The following ASB18 variants were observed in gnomAD, a reference collection of about 807,000 sequenced individuals.
The protein encoded by ASB18 is ankyrin repeat and SOCS box protein 18.
In ASB18, 33 loss-of-function variants were observed where a neutral mutation model predicts 33.4. The ratio of observed to expected loss-of-function variants is 0.99; its 90% CI spans 0.75 to 1.32. ASB18 has a LOEUF of 1.32. Among genes scored for constraint, ASB18 ranks in the 40% most tolerant of loss-of-function variants. The pLI is 0.00. For missense variants in ASB18, 694 were observed against 655.5 expected (o/e 1.06, Z -0.64); for synonymous variants, 295 against 307.6 (o/e 0.96, Z 0.43).
chr2:236,206,140 G>T (rs2060431485), intron 4 of ASB18, among the ~76,000 whole-genome samples: 2 of 150,136 alleles, frequency 1.3e-5, no homozygotes, highest in African/African-American at 2.4e-5. Flanking sequence ...CTTATCTGTG[G>T]GTTGGCTCTC....
Position 236,222,047 on chromosome 2 carries a change from T to C in ASB18, c.597-7181A>G, listed in dbSNP as rs1967369. Among the ~76,000 whole-genome samples the C allele has an allele frequency of 0.38, 58,324 of 151,884 alleles. 11,748 individuals carry two copies. Among genetic ancestry groups the C allele is most frequent in the African/African-American group, 0.52 (21,412 of 41,370 alleles). On this transcript the variant is annotated intron_variant, in intron 3 of 5. Coordinates refer to ENST00000409749, the MANE Select transcript of ASB18 (RefSeq NM_212556.4). The surrounding 1 kb of genome is among the most constrained non-coding windows in gnomAD (Gnocchi z 5.5). ...GAGCCGTGTTTTCTAACGAAGCTGC[T>C]GCAGGAAGGTTTCCTCCTGTGGCTC...
Position 236,211,082 on chromosome 2 carries a change from T to C in ASB18, c.1101+3280A>G, listed in dbSNP as rs543106027. ...AGAGAGACCCCTGAGCACAGCCTTT[T>C]ATCCAGACCAAGCATCCAGCCCAAA... On this transcript the variant is annotated intron_variant, in intron 4 of 5. Transcript: ENST00000409749. The surrounding 1 kb of genome is among the most constrained non-coding windows in gnomAD (Gnocchi z 5.0). Among the ~76,000 whole-genome samples the C allele has an allele frequency of 2.0e-5, 3 of 152,314 alleles. No individual in the cohort carries two copies. The East Asian group carries it at 5.8e-4, about 29-fold the overall frequency.
chr2:236,235,090 TAAATAAG>T lies in ASB18; in HGVS notation c.596+2592_596+2598del, dbSNP rs1385624271. ...AGAATATCCCAAGAAACCTCAAACT[TAAATAAG>T]AAAACCAACCCAATTTTAAAAATGG... is the stretch of plus-strand genomic sequence containing the variant. On this transcript the variant is annotated intron_variant, in intron 3 of 5. Coordinates refer to ENST00000409749, the MANE Select transcript of ASB18 (RefSeq NM_212556.4). This position sits in a 1 kb window ranked among gnomAD's most constrained non-coding sequence, Gnocchi z 6.2. Among the ~76,000 whole-genome samples, 1 of 152,176 alleles carries T rather than the reference TAAATAAG, an allele frequency of 6.6e-6. No homozygotes were observed. The highest frequency in any genetic ancestry group is 1.5e-5 in the Non-Finnish European group (1 of 68,036).
Position 236,214,510 on chromosome 2 carries a change from TCGGC to T in ASB18, c.949_952del (p.Ala317ThrfsTer52). The T allele has an allele frequency of 6.8e-7, 1 of 1,474,402 alleles. No homozygotes were observed. The highest frequency in any genetic ancestry group is 2.4e-5 in the Admixed American group (1 of 41,052). The allele number at this position is 1,474,402 out of a possible 1,614,324, so 91.3% of individuals were successfully genotyped here. A position where few individuals can be genotyped will look rare whatever the true frequency, so the allele number is the denominator to read the frequency against. On this transcript the variant is annotated frameshift_variant, in exon 4 of 6. Transcript: ENST00000409749. LOFTEE classifies it high-confidence loss of function. This position sits in a 1 kb window ranked among gnomAD's most constrained non-coding sequence, Gnocchi z 6.5. ...CCCGCCATAGTCGAGCGCGCCCGCG[TCGGC>T]GCCGTGCCGCAGTAGGAGGCGCGCC...
In ASB18 at chr2:236,237,241, T is replaced by A. The variant is rs1471957757; in HGVS notation, c.596+448A>T. Reference sequence around the variant, plus strand: ...CAACCCCGCCAGTGGCCTTTTAGCATCCCCGGCGCCGGCGGCTGGGCTGTG... The same window carrying A: ...CAACCCCGCCAGTGGCCTTTTAGCAACCCCGGCGCCGGCGGCTGGGCTGTG... On this transcript the variant is annotated intron_variant, in intron 3 of 5. Coordinates refer to ENST00000409749, the MANE Select transcript of ASB18 (RefSeq NM_212556.4). This position sits in a 1 kb window ranked among gnomAD's most constrained non-coding sequence, Gnocchi z 6.2. Among the ~76,000 whole-genome samples, 1 of 151,886 alleles carries A rather than the reference T, an allele frequency of 6.6e-6. No homozygotes were observed. Among genetic ancestry groups the A allele is most frequent in the East Asian group, 1.9e-4 (1 of 5,180 alleles).
rs1031790731 is a variant in ASB18 at position 236,235,465 on chromosome 2, G to A, written c.596+2224C>T. On this transcript the variant is annotated intron_variant, in intron 3 of 5. Coordinates refer to ENST00000409749, the MANE Select transcript of ASB18 (RefSeq NM_212556.4). This position sits in a 1 kb window ranked among gnomAD's most constrained non-coding sequence, Gnocchi z 6.2. ...TGAGAATGTATCCCCATCGTTAAGCGACAAATGACTGTATGTGGATGGCAA... is the reference window on the plus strand; with the variant it reads ...TGAGAATGTATCCCCATCGTTAAGCAACAAATGACTGTATGTGGATGGCAA... Among the ~76,000 whole-genome samples, 3 of 152,150 alleles carry A rather than the reference G, an allele frequency of 2.0e-5. No homozygotes were observed. The highest frequency in any genetic ancestry group is 4.1e-4 in the South Asian group (2 of 4,826).
chr2:236,220,694 G>C lies in ASB18; in HGVS notation c.597-5828C>G, dbSNP rs1416815434. Among the ~76,000 whole-genome samples the C allele has an allele frequency of 6.6e-6, 1 of 152,074 alleles. No individual in the cohort carries two copies. The highest frequency in any genetic ancestry group is 1.5e-5 in the Non-Finnish European group (1 of 68,032). Reference sequence around the variant, plus strand: ...CAGGAAGTGGCAAAGCAGAGGTCTCGTTGCTTCATGAGGCTTCCCACTGTC... The same window carrying C: ...CAGGAAGTGGCAAAGCAGAGGTCTCCTTGCTTCATGAGGCTTCCCACTGTC... On this transcript the variant is annotated intron_variant, in intron 3 of 5. Coordinates refer to ENST00000409749, the MANE Select transcript of ASB18 (RefSeq NM_212556.4). The surrounding 1 kb of genome is among the most constrained non-coding windows in gnomAD (Gnocchi z 5.1).
Position 236,238,800 on chromosome 2 carries a change from A to T in ASB18, c.329-844T>A, listed in dbSNP as rs371785989. ...TACACATCAAGGGGCAGGATTTCAC[A>T]TGGCAGGAAGGCCTTCTGATAATGA... On this transcript the variant is annotated intron_variant, in intron 2 of 5. Coordinates refer to ENST00000409749, the MANE Select transcript of ASB18 (RefSeq NM_212556.4). The surrounding 1 kb of genome is among the most constrained non-coding windows in gnomAD (Gnocchi z 5.2). Among the ~76,000 whole-genome samples the T allele has an allele frequency of 2.0e-5, 3 of 152,180 alleles. No individual in the cohort carries two copies. The highest frequency in any genetic ancestry group is 4.4e-5 in the Non-Finnish European group (3 of 68,022).
At chr2:236,227,618 T>C (rs2060546599) in intron 3 of ASB18, among the ~76,000 whole-genome samples, 1 of 152,232 alleles carries the variant, frequency 6.6e-6, no homozygotes, top group Admixed American at 6.5e-5. Context: ...AATATCTATG[T>C]GTAGATATAA....
chr2:236,223,708 C>T lies in ASB18; in HGVS notation c.597-8842G>A, dbSNP rs761259702. ...TGTGTTTACCACCAGTCAGTCATAA[C>T]CCCCGTAGGCAACCACTGTGCTGAT... is the stretch of plus-strand genomic sequence containing the variant. On this transcript the variant is annotated intron_variant, in intron 3 of 5. Coordinates refer to ENST00000409749, the MANE Select transcript of ASB18 (RefSeq NM_212556.4). This position sits in a 1 kb window ranked among gnomAD's most constrained non-coding sequence, Gnocchi z 4.6. Among the ~76,000 whole-genome samples the T allele has an allele frequency of 6.6e-6, 1 of 152,170 alleles. No homozygotes were observed. The highest frequency in any genetic ancestry group is 2.4e-5 in the African/African-American group (1 of 41,454).
At position 236,257,086 on chromosome 2, in the gene ASB18, A is replaced by C. The variant is rs2060695928; in HGVS notation, c.205+7055T>G. Among the ~76,000 whole-genome samples, 1 of 152,224 alleles carries C rather than the reference A, an allele frequency of 6.6e-6. No individual in the cohort carries two copies. The highest frequency in any genetic ancestry group is 2.4e-5 in the African/African-American group (1 of 41,462). ...TAATAAATTCCACTTGATCTGGGTG[A>C]ATCAATTCAGGCAGCGCATAATTGA... is the stretch of plus-strand genomic sequence containing the variant. On this transcript the variant is annotated intron_variant, in intron 1 of 5. Transcript: ENST00000409749. This position sits in a 1 kb window ranked among gnomAD's most constrained non-coding sequence, Gnocchi z 5.5.
At chr2:236,236,588 T>A (rs62190973) in intron 3 of ASB18, among the ~76,000 whole-genome samples, 30,068 of 152,064 alleles carry the variant, frequency 0.2, 3,111 homozygotes, top group South Asian at 0.25. Flanking sequence ...TTCCTTCCTC[T>A]TTCTCAAGAC....
At chr2:236,258,345 T>C (rs1281837874) in intron 1 of ASB18, among the ~76,000 whole-genome samples, 2 of 152,182 alleles carry the variant, frequency 1.3e-5, no homozygotes, top group South Asian at 4.2e-4. Context: ...CAATCCATTT[T>C]TGAAAATGAG....
chr2:236,206,649 T>C (rs2060435691), intron 4 of ASB18, among the ~76,000 whole-genome samples: 1 of 152,236 alleles, frequency 6.6e-6, no homozygotes, highest in Non-Finnish European at 1.5e-5. Context: ...TTCTGCTACT[T>C]GTGATTTAAA....
At chr2:236,212,427 A>C (rs1202708711) in intron 4 of ASB18, among the ~76,000 whole-genome samples, 2 of 152,208 alleles carry the variant, frequency 1.3e-5, no homozygotes, top group Non-Finnish European at 2.9e-5. Context: ...AGGATTTGAA[A>C]GCCTGGTCAG....
rs958665817 is a variant in ASB18 at position 236,221,978 on chromosome 2, A to T, written c.597-7112T>A. Among the ~76,000 whole-genome samples the T allele has an allele frequency of 6.6e-6, 1 of 152,232 alleles. No homozygotes were observed. Among genetic ancestry groups the T allele is most frequent in the African/African-American group, 2.4e-5 (1 of 41,462 alleles). ...CCAGGGTGGGTGCTGGGCATGTGCC[A>T]GCCTATGGGGGCAAGGTTGCAGGGG... On this transcript the variant is annotated intron_variant, in intron 3 of 5. Transcript: ENST00000409749. This position sits in a 1 kb window ranked among gnomAD's most constrained non-coding sequence, Gnocchi z 5.6.
In ASB18 at chr2:236,207,175, C is replaced by T. The variant is rs192653543; in HGVS notation, c.1101+7187G>A. 3.0e-3 allele frequency among the ~76,000 whole-genome samples: 450 copies of T among 152,298 alleles called. 1 individual carries two copies. The highest frequency in any genetic ancestry group is 4.8e-3 in the Admixed American group (74 of 15,288). On this transcript the variant is annotated intron_variant, in intron 4 of 5. Coordinates refer to ENST00000409749, the MANE Select transcript of ASB18 (RefSeq NM_212556.4). ...CTGTCACCCAGGATGCAGAGCAGGA[C>T]CCAGGAACAGCAGGAAAGGGTCTGA...
rs897874748 is a variant in ASB18 at position 236,200,231 on chromosome 2, C to A, written c.1102-3846G>T. Among the ~76,000 whole-genome samples the A allele has an allele frequency of 2.6e-5, 4 of 152,082 alleles. No homozygotes were observed. Among genetic ancestry groups the A allele is most frequent in the Non-Finnish European group, 5.9e-5 (4 of 68,022 alleles). ...AGGCATGGTGGTGCACATCTGTAGT[C>A]CCAGCTCCTCGGGAGGCAGAGGTAG... On this transcript the variant is annotated intron_variant, in intron 4 of 5. Coordinates refer to ENST00000409749, the MANE Select transcript of ASB18 (RefSeq NM_212556.4). This position sits in a 1 kb window ranked among gnomAD's most constrained non-coding sequence, Gnocchi z 4.2.
At position 236,241,518 on chromosome 2, in the gene ASB18, C is replaced by G; in HGVS notation, c.206-116G>C. 8.1e-7 allele frequency: 1 copy of G among 1,238,556 alleles called. No individual in the cohort carries two copies. 76.7% of individuals were successfully genotyped at this position (1,238,556 alleles called of 1,614,324 possible). ...CTCTCACTGGCCCTGGCTGTCTCTC[C>G]ATTGAGATGCCGTCGATTTCAGAAG... On this transcript the variant is annotated intron_variant, in intron 1 of 5. Transcript: ENST00000409749. The surrounding 1 kb of genome is among the most constrained non-coding windows in gnomAD (Gnocchi z 4.2).
Sources: allele counts gnomAD v4.1 joint callset (sites outside exome capture counted in the v4.1 genomes callset), GRCh38; gene constraint gnomAD v4.1.1; non-coding constraint Gnocchi (gnomAD v3.1); transcripts MANE v1.5; gene names NCBI Gene and HGNC (gene_info 2026-07-23, HGNC 2026-07-21).